The following HELZ variants were observed in gnomAD, a reference collection of about 807,000 sequenced individuals.
HELZ encodes the protein helicase with zinc finger, also known as ATP-dependent RNA helicase with zinc finger domain.
Under a neutral mutation model 218.2 loss-of-function variants are expected in HELZ, and 23 were observed. The observed-to-expected ratio is 0.11, with a 90% CI of 0.08 to 0.15. The LOEUF (loss-of-function observed/expected upper bound fraction) is 0.15. Ranked by LOEUF, HELZ falls within the 10% of genes least tolerant of loss-of-function variation. The pLI is 1.00. For synonymous variants in HELZ, 814 were observed against 829.4 expected (o/e 0.98, Z 0.32); for missense variants, 1,813 against 2,353.7 (o/e 0.77, Z 4.75).
intron 28 of HELZ, among the ~76,000 whole-genome samples, chr17:67,111,357 C>T (rs753482230): frequency 3.9e-5 from 6 of 151,990 alleles, no homozygotes; most frequent in South Asian, 2.1e-4. Context: ...TTTTCTTTTC[C>T]GGCTCTGTCA....
rs530004994 is a variant in HELZ at position 67,110,055 on chromosome 17, G to C, written c.3919-369C>G. Among the ~76,000 whole-genome samples the C allele has an allele frequency of 6.6e-5, 10 of 151,912 alleles. No individual in the cohort carries two copies. The South Asian group carries it at 1.9e-3, about 29-fold the overall frequency. ...AAATGTGTTTTCCTTCTGATTTCAG[G>C]GTGGGTTTGGGTTTTGTTTTGTTTT... On this transcript the variant is annotated intron_variant, in intron 28 of 32. Transcript: ENST00000358691.
rs564953871 is a variant in HELZ at position 67,144,547 on chromosome 17, T to C, written c.2769+1196A>G. On this transcript the variant is annotated intron_variant, in intron 21 of 32. Coordinates refer to ENST00000358691, the MANE Select transcript of HELZ (RefSeq NM_014877.4). ...CCATGAACCGGCACCTTATTTATCCTATAGCTTATAGGTTTCCTGGGAAAC... is the reference window on the plus strand; with the variant it reads ...CCATGAACCGGCACCTTATTTATCCCATAGCTTATAGGTTTCCTGGGAAAC... 3.0e-4 allele frequency among the ~76,000 whole-genome samples: 45 copies of C among 150,680 alleles called. No individual in the cohort carries two copies. In the South Asian group the frequency reaches 9.3e-3, roughly 31 times the overall value.
At chr17:67,090,855 TTC>T (rs1261609175) in intron 31 of HELZ, among the ~76,000 whole-genome samples, 2 of 152,076 alleles carry the variant, frequency 1.3e-5, no homozygotes, top group Admixed American at 1.3e-4. Flanking sequence ...TTTATTGCTT[TTC>T]TGTTTTGAAT....
At chr17:67,146,007 T>G in intron 20 of HELZ, 117 bp from the exon 21 acceptor site, 1 of 882,842 alleles carries the variant, frequency 1.1e-6, no homozygotes, top group Non-Finnish European at 1.7e-6. Flanking sequence ...ATGATTAATT[T>G]TACTCCAATC....
intron 1 of HELZ, among the ~76,000 whole-genome samples, chr17:67,244,190 CAG>C (rs1433454883): frequency 2.0e-5 from 3 of 152,168 alleles, no homozygotes; most frequent in African/African-American, 7.2e-5. Context: ...CTAGGCAAGA[CAG>C]ACAACTCCTC....
intron 13 of HELZ, chr17:67,176,181 T>C (rs865916172): frequency 1.4e-4 from 22 of 152,200 alleles, no homozygotes; most frequent in Non-Finnish European, 2.8e-4. Flanking sequence ...AACCAGAACA[T>C]TTTGCTTTCA....
rs573212687 is a variant in HELZ at position 67,195,134 on chromosome 17, T to C, written c.481+285A>G. 1.8e-4 allele frequency among the ~76,000 whole-genome samples: 28 copies of C among 152,280 alleles called. 1 individual carries two copies. The South Asian group carries it at 5.0e-3, about 27-fold the overall frequency. On this transcript the variant is annotated intron_variant, in intron 8 of 32. Coordinates refer to ENST00000358691, the MANE Select transcript of HELZ (RefSeq NM_014877.4). ...AGAGAGAAGAAAAGTCTTCCCTCTA[T>C]AGATTGTTAAGAATGATGTTTAAAT...
intron 13 of HELZ, among the ~76,000 whole-genome samples, chr17:67,173,244 T>C (rs2039362104): frequency 6.6e-6 from 1 of 152,214 alleles, no homozygotes; most frequent in South Asian, 2.1e-4. Context: ...ACTAAAATTA[T>C]GTTAGTAATC....
rs74696010 is a variant in HELZ at position 67,080,777 on chromosome 17, G to A, written c.5495-2191C>T. On this transcript the variant is annotated intron_variant, in intron 32 of 32. Transcript: ENST00000358691. ...TATGTCCTAAGGGAGTTCTGGGAGA[G>A]CCAGGAGGGAATCTACATAGAGAAG... 1.1e-4 allele frequency among the ~76,000 whole-genome samples: 16 copies of A among 152,316 alleles called. 1 individual carries two copies. In the East Asian group the frequency reaches 3.1e-3, roughly 29 times the overall value.
intron 23 of HELZ, among the ~76,000 whole-genome samples, chr17:67,133,922 T>A (rs947101316): frequency 6.6e-6 from 1 of 152,154 alleles, no homozygotes; most frequent in East Asian, 1.9e-4. Flanking sequence ...GTCTCACTTA[T>A]CAAATAATAA....
At position 67,225,700 on chromosome 17, in the gene HELZ, G is replaced by A. The variant is rs75305208; in HGVS notation, c.-18-6878C>T. Among the ~76,000 whole-genome samples the A allele has an allele frequency of 7.6e-3, 1,159 of 152,218 alleles. 20 individuals are homozygous for A. Among genetic ancestry groups the A allele is most frequent in the African/African-American group, 0.026 (1,065 of 41,518 alleles). On this transcript the variant is annotated intron_variant, in intron 3 of 32. Coordinates refer to ENST00000358691, the MANE Select transcript of HELZ (RefSeq NM_014877.4). Reference sequence around the variant, plus strand: ...ATTAGCACCATCTTTCCATAAAATGGTAACATTTGCATCCTTCCACAAAAG... The same window carrying A: ...ATTAGCACCATCTTTCCATAAAATGATAACATTTGCATCCTTCCACAAAAG...
chr17:67,161,064 T>C lies in HELZ; in HGVS notation c.1908A>G (p.Glu636=), dbSNP rs2038981464. 2 of 1,608,236 alleles carry C rather than the reference T, an allele frequency of 1.2e-6. No homozygotes were observed. Among genetic ancestry groups the C allele is most frequent in the African/African-American group, 1.3e-5 (1 of 74,614 alleles). The change falls in exon 16 of 33, where the codon GAA becomes GAG. Residue 636 remains glutamate (E), a synonymous_variant. Coordinates refer to ENST00000358691, the MANE Select transcript of HELZ (RefSeq NM_014877.4). The part of the protein sequence containing the change: ...IPWSPNRQWD[E]QLDPRLNAKQ... ...TTGCATTTAGTCGAGGATCCAACTGTTCATCCCATTGTCTATGGAAAATAA... is the reference window on the plus strand; with the variant it reads ...TTGCATTTAGTCGAGGATCCAACTGCTCATCCCATTGTCTATGGAAAATAA...
chr17:67,208,770 C>CAA (rs149789941), intron 5 of HELZ, among the ~76,000 whole-genome samples: 2 of 150,660 alleles, frequency 1.3e-5, no homozygotes, highest in African/African-American at 2.4e-5. Context: ...GAAAACAAAA[C>CAA]AAAAAAACAG....
In HELZ at chr17:67,136,125, A is replaced by G. The variant is rs775258718; in HGVS notation, c.3027T>C (p.Ile1009=). 1 of 1,613,934 alleles carries G rather than the reference A, an allele frequency of 6.2e-7. No homozygotes were observed. Among genetic ancestry groups the G allele is most frequent in the Non-Finnish European group, 8.5e-7 (1 of 1,179,892 alleles). The change falls in exon 23 of 33, where the codon ATT becomes ATC. Residue 1009 remains isoleucine, a synonymous_variant. Coordinates refer to ENST00000358691, the MANE Select transcript of HELZ (RefSeq NM_014877.4). ...RHTCKHKQTP[I]KKKEQLLEDS... Reference sequence around the variant, plus strand: ...CTTCCAGAAGTTGCTCTTTCTTTTTAATTGGTGTCTGTTTATGTTTACAAG... The same window carrying G: ...CTTCCAGAAGTTGCTCTTTCTTTTTGATTGGTGTCTGTTTATGTTTACAAG...
chr17:67,097,638 G>C (rs1567797117), intron 31 of HELZ, among the ~76,000 whole-genome samples: 2 of 152,202 alleles, frequency 1.3e-5, no homozygotes, highest in East Asian at 3.8e-4. Context: ...AAAAACGTCA[G>C]GTTCACTGCT....
chr17:67,099,398 GT>G (rs11289705), intron 31 of HELZ, among the ~76,000 whole-genome samples: 148,589 of 152,150 alleles, frequency 0.98, 72,600 homozygotes, highest in East Asian at 1. Context: ...AAGAGATTCT[GT>G]GAAGTTCAGT....
rs749484337 is a variant in HELZ, at chr17:67,120,421, A to G, written c.3822T>C (p.His1274=). ...ACAACTTACCATTTCGATTTTGCTCATGTTGATCCTTCTCCTGATGCTGAT... is the reference window on the plus strand; with the variant it reads ...ACAACTTACCATTTCGATTTTGCTCGTGTTGATCCTTCTCCTGATGCTGAT... ...PQNQHQEKDQ[H]EQNRNGKSDT... Residue 1274 remains histidine (H), a synonymous_variant, in exon 27 of 33, where the codon CAT becomes CAC. Coordinates refer to ENST00000358691, the MANE Select transcript of HELZ (RefSeq NM_014877.4). 7 of 1,613,920 alleles carry G rather than the reference A, an allele frequency of 4.3e-6. No individual in the cohort carries two copies. In the African/African-American group the frequency reaches 5.3e-5, roughly 12 times the overall value.
At position 67,166,608 on chromosome 17, in the gene HELZ, C is replaced by T. The variant is rs781665377; in HGVS notation, c.1765G>A (p.Val589Ile). Residue 589 changes from valine to isoleucine, a missense_variant and splice_region_variant, in exon 15 of 33, where the codon GTT becomes ATT. Coordinates refer to ENST00000358691, the MANE Select transcript of HELZ (RefSeq NM_014877.4). ...CGATTTAATTGAAACTGAAGTTCAA[C>T]CTGAAAGACAAAATGAATGTTTTAA... The part of the protein sequence containing the change: ...LNLRPDCDTQ[V>I]ELQFQLNRLP... The T allele has an allele frequency of 1.2e-6, 2 of 1,613,056 alleles. No individual in the cohort carries two copies. The highest frequency in any genetic ancestry group is 1.7e-6 in the Non-Finnish European group (2 of 1,179,316).
chr17:67,128,687 T>C lies in HELZ; in HGVS notation c.3351A>G (p.Ser1117=), dbSNP rs968394875. ...FIPRALRLQH[S]GSTNKQQQSP... ...ATTGCTGCTGTTTGTTGGTACTTCC[T>C]GAATGCTGCAGTCTTAGAGCCCGGG... is the stretch of plus-strand genomic sequence containing the variant. Residue 1117 remains serine (S), a synonymous_variant, in exon 24 of 33, where the codon TCA becomes TCG. Transcript: ENST00000358691. The C allele has an allele frequency of 2.5e-6, 4 of 1,614,064 alleles. No individual in the cohort carries two copies. The highest frequency in any genetic ancestry group is 2.2e-5 in the East Asian group (1 of 44,894).
Sources: allele counts gnomAD v4.1 joint callset (sites outside exome capture counted in the v4.1 genomes callset), GRCh38; gene constraint gnomAD v4.1.1; transcripts MANE v1.5; gene names NCBI Gene and HGNC (gene_info 2026-07-23, HGNC 2026-07-21).